The following NBAS variants were observed in gnomAD, a reference collection of about 807,000 sequenced individuals.
The protein encoded by NBAS is NAG/BC035112 fusion.
In NBAS, 219 loss-of-function variants were observed where a neutral mutation model predicts 302.5. The observed-to-expected ratio is 0.72, with a 90% CI of 0.65 to 0.81. NBAS has a LOEUF of 0.81. NBAS is among the 30% of genes least tolerant of loss of function. NBAS has a pLI of 0.00. For missense variants in NBAS, 2,932 were observed against 2,841.6 expected (o/e 1.03, Z -0.72); for synonymous variants, 1,118 against 1,021.6 (o/e 1.09, Z -1.80).
At chr2:15,386,474 C>T (rs1403200530) in intron 28 of NBAS, among the ~76,000 whole-genome samples, 3 of 152,182 alleles carry the variant, frequency 2.0e-5, no homozygotes, top group South Asian at 2.1e-4. Flanking sequence ...CTTAATTCTA[C>T]TCCTTCAGGA....
At chr2:14,935,170 G>T in the NBAS span, among the ~76,000 whole-genome samples, 1 of 152,098 alleles carries the variant, frequency 6.6e-6, no homozygotes, top group Non-Finnish European at 1.5e-5. Context: ...TAGGATGGAA[G>T]TTGAACCCTT....
intron 51 of NBAS, among the ~76,000 whole-genome samples, chr2:15,175,031 G>A (rs531929981): frequency 7.2e-5 from 11 of 151,960 alleles, no homozygotes; most frequent in Non-Finnish European, 1.2e-4. Flanking sequence ...GCAGTGGCGC[G>A]ATCTCAGCTC....
At position 15,561,305 on chromosome 2, in the gene NBAS, G is replaced by A; in HGVS notation, c.-1C>T. On this transcript the variant is annotated 5_prime_UTR_variant, in exon 1 of 52. Coordinates refer to ENST00000281513, the MANE Select transcript of NBAS (RefSeq NM_015909.4). ...CCGGCCCTGACTCGGGGGCCGCCAT[G>A]TTCGCCGAGGACTCAGGCAGCGGAG... 1 of 1,612,300 alleles carries A rather than the reference G, an allele frequency of 6.2e-7. No individual in the cohort carries two copies. Among genetic ancestry groups the A allele is most frequent in the Non-Finnish European group, 8.5e-7 (1 of 1,179,776 alleles).
At chr2:15,258,351 G>A (rs1209222572) in intron 44 of NBAS, among the ~76,000 whole-genome samples, 1 of 152,146 alleles carries the variant, frequency 6.6e-6, no homozygotes, top group African/African-American at 2.4e-5. Context: ...AGGGAACAAG[G>A]TAAGGGAAGG....
chr2:15,422,960 C>T (rs1677282366), intron 23 of NBAS, among the ~76,000 whole-genome samples: 1 of 152,142 alleles, frequency 6.6e-6, no homozygotes, highest in African/African-American at 2.4e-5. Flanking sequence ...CATATATTTG[C>T]AAAACTCCTA....
At chr2:15,377,647 T>A (rs898524676) in intron 30 of NBAS, among the ~76,000 whole-genome samples, 6 of 152,162 alleles carry the variant, frequency 3.9e-5, no homozygotes, top group African/African-American at 1.4e-4. Flanking sequence ...GTTCTTAACC[T>A]CTACACTCTG....
chr2:15,539,152 T>A (rs1663670525), intron 7 of NBAS, 71 bp downstream of exon 7: 1 of 1,589,702 alleles, frequency 6.3e-7, no homozygotes, highest in African/African-American at 1.3e-5. Context: ...CCCTTCACAC[T>A]CTTTTATTCA....
intron 42 of NBAS, among the ~76,000 whole-genome samples, chr2:15,279,067 T>G (rs1005396003): frequency 6.6e-6 from 1 of 152,176 alleles, no homozygotes; most frequent in Non-Finnish European, 1.5e-5. Context: ...CTGATGTTCC[T>G]TCATAATTTG....
chr2:14,788,429 G>GT, the NBAS span, among the ~76,000 whole-genome samples: 1 of 152,084 alleles, frequency 6.6e-6, no homozygotes, highest in Non-Finnish European at 1.5e-5. Flanking sequence ...TTTCTGCTCT[G>GT]TTTTTTCCCC....
intron 21 of NBAS, among the ~76,000 whole-genome samples, chr2:15,431,864 T>C (rs763421170): frequency 7.2e-5 from 11 of 152,154 alleles, no homozygotes; most frequent in Non-Finnish European, 5.9e-5. Context: ...CAAGAATACA[T>C]GTTACCCTAA....
the NBAS span, among the ~76,000 whole-genome samples, chr2:15,100,430 G>C: frequency 5.3e-5 from 8 of 152,118 alleles, no homozygotes; most frequent in Non-Finnish European, 1.2e-4. Context: ...GGTGCACATA[G>C]TATCACAGAG....
At chr2:15,215,214 C>T (rs184269340) in intron 48 of NBAS, among the ~76,000 whole-genome samples, 2 of 152,250 alleles carry the variant, frequency 1.3e-5, no homozygotes, top group East Asian at 1.9e-4. Flanking sequence ...AAATAAAAGC[C>T]TCTCAAACTG....
the NBAS span, among the ~76,000 whole-genome samples, chr2:14,942,034 T>G: frequency 6.6e-6 from 1 of 152,196 alleles, no homozygotes; most frequent in African/African-American, 2.4e-5. Flanking sequence ...AGTACCAAAT[T>G]GAGACACGAT....
In NBAS at chr2:15,260,629, G is replaced by A. The variant is rs1359873439; in HGVS notation, c.5724+14855C>T. ...GGGGTTGAAGGAGACAGGCGATTTC[G>A]GTTGTAAATGACATTATGTTAAAGG... is the stretch of plus-strand genomic sequence containing the variant. On this transcript the variant is annotated intron_variant, in intron 44 of 51. Transcript: ENST00000281513. Among the ~76,000 whole-genome samples the A allele has an allele frequency of 4.6e-5, 7 of 152,016 alleles. No homozygotes were observed. In the East Asian group the frequency reaches 5.8e-4, roughly 13 times the overall value.
At chr2:14,960,486 C>T in the NBAS span, among the ~76,000 whole-genome samples, 2 of 152,192 alleles carry the variant, frequency 1.3e-5, no homozygotes, top group South Asian at 2.1e-4. Flanking sequence ...TCTTCTAATT[C>T]TCACAATATC....
chr2:15,137,053 A>G, the NBAS span, among the ~76,000 whole-genome samples: 1 of 152,188 alleles, frequency 6.6e-6, no homozygotes, highest in Non-Finnish European at 1.5e-5. Context: ...CTTGCCAAAG[A>G]GGCCTGAGGG....
the NBAS span, among the ~76,000 whole-genome samples, chr2:15,003,554 G>C: frequency 6.6e-6 from 1 of 152,158 alleles, no homozygotes; most frequent in African/African-American, 2.4e-5. Flanking sequence ...AGGGAGAATT[G>C]TACTATTTTA....
In NBAS at chr2:15,445,764, A is replaced by G. The variant is rs1678704009; in HGVS notation, c.2339+15437T>C. On this transcript the variant is annotated intron_variant, in intron 21 of 51. Coordinates refer to ENST00000281513, the MANE Select transcript of NBAS (RefSeq NM_015909.4). ...CCAATAAAAGTTACCAGGTATGTAA[A>G]GAAGAAGGAAATTATGGCTTATAAC... Among the ~76,000 whole-genome samples the G allele has an allele frequency of 2.0e-5, 3 of 152,120 alleles. No individual in the cohort carries two copies. In the South Asian group the frequency reaches 6.2e-4, roughly 31 times the overall value.
chr2:15,407,339 T>C (rs940273002), intron 25 of NBAS, among the ~76,000 whole-genome samples: 2 of 152,106 alleles, frequency 1.3e-5, no homozygotes, highest in African/African-American at 4.8e-5. Flanking sequence ...CGCAAACATA[T>C]CTTGCTGGGA....
Sources: allele counts gnomAD v4.1 joint callset (sites outside exome capture counted in the v4.1 genomes callset), GRCh38; gene constraint gnomAD v4.1.1; transcripts MANE v1.5; gene names NCBI Gene and HGNC (gene_info 2026-07-23, HGNC 2026-07-21).